The following ADGRL4 variants were observed in gnomAD, a reference collection of about 807,000 sequenced individuals.
The protein encoded by ADGRL4 is adhesion G protein-coupled receptor L4.
Under a neutral mutation model 74.8 loss-of-function variants are expected in ADGRL4, and 90 were observed. The ratio of observed to expected loss-of-function variants is 1.20; its 90% confidence interval spans 1.02 to 1.43. The LOEUF (loss-of-function observed/expected upper bound fraction) is 1.43. Ranked by LOEUF, ADGRL4 falls within the 40% of genes most tolerant of loss-of-function variation. The pLI is 0.00. For missense variants in ADGRL4, 881 were observed against 814.3 expected, an observed-to-expected ratio of 1.08 and a Z score of -1.00; for synonymous variants, 311 against 279.2, an observed-to-expected ratio of 1.11 and a Z score of -1.14.
At chr1:78,957,810 T>G (rs908049090) in intron 2 of ADGRL4, among the ~76,000 whole-genome samples, 9 of 152,088 alleles carry the variant, frequency 5.9e-5, no homozygotes, top group African/African-American at 2.2e-4. Context: ...GAAACAGCCT[T>G]CTATTGGAAG....
chr1:78,921,805 A>G lies in ADGRL4; in HGVS notation c.1084-19T>C, dbSNP rs763442666. On this transcript the variant is annotated intron_variant, in intron 8 of 14. Transcript: ENST00000370742. The stretch of plus-strand genomic sequence containing the variant: ...CTGTGACCTGAAAAAAAGATACTTT[A>G]CTGATGAAAAAAGAGAAAAAGTTAC... The G allele has an allele frequency of 7.1e-7, 1 of 1,409,642 alleles. No individual in the cohort carries two copies. Among genetic ancestry groups the G allele is most frequent in the African/African-American group, 1.5e-5 (1 of 67,064 alleles). 87.3% of individuals were successfully genotyped at this position (1,409,642 alleles called of 1,614,324 possible).
At chr1:78,950,256 A>C (rs1195352711) in intron 2 of ADGRL4, among the ~76,000 whole-genome samples, 1 of 152,172 alleles carries the variant, frequency 6.6e-6, no homozygotes, top group Admixed American at 6.6e-5. Flanking sequence ...CAAAGGAAGA[A>C]GTTTACCTAA....
At chr1:78,949,942 G>A (rs17102512) in intron 2 of ADGRL4, among the ~76,000 whole-genome samples, 13,562 of 152,026 alleles carry the variant, frequency 0.089, 802 homozygotes, top group East Asian at 0.33. Flanking sequence ...CCTCTGATAC[G>A]CTGAGTTAAG....
intron 3 of ADGRL4, 89 bp downstream of exon 3, chr1:78,946,185 G>C: frequency 2.0e-6 from 2 of 991,224 alleles, no homozygotes; most frequent in Non-Finnish European, 2.9e-6. Context: ...ATCAAGGTCT[G>C]GCAGAATTTG....
rs1648273278 is a variant in ADGRL4, at chr1:78,891,529, T to C, written c.2005A>G (p.Arg669Gly). Residue 669 changes from arginine to glycine, a missense_variant, in exon 14 of 15, where the codon AGA (arginine) becomes GGA (glycine). By Grantham distance (125) the Arg-to-Gly change is moderately radical. Transcript: ENST00000370742. ...FIFLFLCVLS[R>G]KIQEEYYRLF... ...CAAAATAAGAAATTGTTTACCTTTCTAGATAAAACACACAGGAATAAAAAA... is the reference window on the plus strand; with the variant it reads ...CAAAATAAGAAATTGTTTACCTTTCCAGATAAAACACACAGGAATAAAAAA... The C allele has an allele frequency of 6.2e-7, 1 of 1,611,964 alleles. No individual in the cohort carries two copies. The highest frequency in any genetic ancestry group is 1.3e-5 in the African/African-American group (1 of 74,790).
intron 2 of ADGRL4, among the ~76,000 whole-genome samples, chr1:78,992,671 T>TA (rs1271301581): frequency 6.6e-6 from 1 of 152,130 alleles, no homozygotes; most frequent in East Asian, 1.9e-4. Flanking sequence ...ACCAAATAGT[T>TA]AAGGATAAAA....
chr1:78,965,008 G>A (rs1442179116), intron 2 of ADGRL4, among the ~76,000 whole-genome samples: 3 of 101,762 alleles, frequency 2.9e-5, no homozygotes, highest in Non-Finnish European at 5.9e-5. Flanking sequence ...AAAAGAGACA[G>A]TGGCTGTAAA....
At chr1:78,917,374 A>G (rs1648896995) in intron 12 of ADGRL4, among the ~76,000 whole-genome samples, 2 of 151,476 alleles carry the variant, frequency 1.3e-5, no homozygotes, top group East Asian at 3.9e-4. Flanking sequence ...TAAAAGCTAT[A>G]CATGATTTTT....
At chr1:79,000,639 C>G (rs1260604764) in intron 2 of ADGRL4, among the ~76,000 whole-genome samples, 2 of 151,674 alleles carry the variant, frequency 1.3e-5, no homozygotes, top group South Asian at 4.2e-4. Flanking sequence ...TACTGCAGAA[C>G]CTTTCTTGTG....
intron 2 of ADGRL4, among the ~76,000 whole-genome samples, chr1:79,003,662 T>C (rs1228018066): frequency 6.6e-6 from 1 of 152,000 alleles, no homozygotes; most frequent in African/African-American, 2.4e-5. Context: ...AGGTCCAAAA[T>C]GTGAAAATTT....
chr1:78,959,104 G>A lies in ADGRL4; in HGVS notation c.173-12678C>T, dbSNP rs150396809. ...CACACTTACTACTGTATAATGTAAT[G>A]TAAACATAACTTATGTGCACTGGGA... On this transcript the variant is annotated intron_variant, in intron 2 of 14. Coordinates refer to ENST00000370742, the MANE Select transcript of ADGRL4 (RefSeq NM_022159.4). 5.2e-3 allele frequency among the ~76,000 whole-genome samples: 785 copies of A among 152,232 alleles called. 4 individuals are homozygous for A. The highest frequency in any genetic ancestry group is 9.7e-3 in the Non-Finnish European group (658 of 68,008).
chr1:78,923,197 G>C (rs1649038047), intron 8 of ADGRL4, among the ~76,000 whole-genome samples: 3 of 151,958 alleles, frequency 2.0e-5, no homozygotes, highest in African/African-American at 7.2e-5. Context: ...GAATTGAGGA[G>C]CCAGACTGAA....
chr1:78,980,150 T>A (rs1193346079), intron 2 of ADGRL4, among the ~76,000 whole-genome samples: 1 of 151,784 alleles, frequency 6.6e-6, no homozygotes, highest in Non-Finnish European at 1.5e-5. Context: ...CACACGCAGA[T>A]AAGACTCATG....
chr1:78,972,204 C>G (rs1336816253), intron 2 of ADGRL4, among the ~76,000 whole-genome samples: 1 of 152,138 alleles, frequency 6.6e-6, no homozygotes, highest in Non-Finnish European at 1.5e-5. Flanking sequence ...TTATGGAATC[C>G]TATCTCTATT....
chr1:78,900,451 C>A (rs1648493336), intron 12 of ADGRL4, among the ~76,000 whole-genome samples: 1 of 152,088 alleles, frequency 6.6e-6, no homozygotes, highest in Non-Finnish European at 1.5e-5. Context: ...CAATAGAAAT[C>A]TAATATAGGG....
intron 7 of ADGRL4, among the ~76,000 whole-genome samples, chr1:78,929,933 A>G (rs2882991): frequency 0.09 from 13,652 of 151,456 alleles, 1,004 homozygotes; most frequent in East Asian, 0.33. Context: ...TGTCTTTGAA[A>G]TTTCAACAGT....
In ADGRL4 at chr1:78,891,161, A is replaced by G; in HGVS notation, c.2066T>C (p.Leu689Ser). ...ATCCACCATTCTCTATGTTTACCTT[A>G]AACATCCAAAACAACAGGGGACATT... ...FKNVPCCFGC[L>S]R Residue 689 changes from leucine (L) to serine (S), a missense_variant, in exon 15 of 15, where the codon TTA becomes TCA. Physicochemically the swap from Leu to Ser is moderately radical, Grantham distance 145. Transcript: ENST00000370742. 6.2e-7 allele frequency: 1 copy of G among 1,611,438 alleles called. No individual in the cohort carries two copies. Among genetic ancestry groups the G allele is most frequent in the Admixed American group, 1.7e-5 (1 of 59,836 alleles).
intron 7 of ADGRL4, among the ~76,000 whole-genome samples, chr1:78,929,198 T>A (rs947332539): frequency 3.3e-5 from 5 of 151,276 alleles, no homozygotes; most frequent in Non-Finnish European, 7.4e-5. Flanking sequence ...CTTCTAAAAT[T>A]CAGTCTATAA....
At chr1:78,966,239 C>A (rs1057030464) in intron 2 of ADGRL4, among the ~76,000 whole-genome samples, 1 of 152,120 alleles carries the variant, frequency 6.6e-6, no homozygotes, top group Non-Finnish European at 1.5e-5. Context: ...GGGTGTGGTA[C>A]CCAGGATTCA....
Sources: allele counts gnomAD v4.1 joint callset (sites outside exome capture counted in the v4.1 genomes callset), GRCh38; gene constraint gnomAD v4.1.1; transcripts MANE v1.5; gene names NCBI Gene and HGNC (gene_info 2026-07-23, HGNC 2026-07-21).